The following CNTN4 variants were observed in gnomAD, a reference collection of about 807,000 sequenced individuals.
CNTN4 encodes contactin 4.
CNTN4 carries 77 observed loss-of-function variants against 122.5 expected under a neutral mutation model. The ratio of observed to expected loss-of-function variants is 0.63; its 90% CI spans 0.52 to 0.76. The LOEUF is 0.76. Ranked by LOEUF, CNTN4 falls within the 30% of genes least tolerant of loss-of-function variation. CNTN4 has a pLI of 0.00. For synonymous variants in CNTN4, 512 were observed against 447.0 expected (o/e 1.15, Z -1.83); for missense variants, 1,256 against 1,259.1 (o/e 1.00, Z 0.04).
At chr3:2,895,185 A>G (rs2094093840) in intron 10 of CNTN4, among the ~76,000 whole-genome samples, 1 of 152,156 alleles carries the variant, frequency 6.6e-6, no homozygotes, top group Non-Finnish European at 1.5e-5. Flanking sequence ...CATGTTGGCC[A>G]GGCTGGTTTC....
intron 2 of CNTN4, among the ~76,000 whole-genome samples, chr3:2,104,300 G>C (rs1033008869): frequency 3.3e-5 from 5 of 151,984 alleles, no homozygotes; most frequent in African/African-American, 4.8e-5. Context: ...TGGAGGGCTG[G>C]AGAGGTTTTC....
At chr3:2,909,447 C>G (rs1291140291) in intron 12 of CNTN4, among the ~76,000 whole-genome samples, 1 of 151,150 alleles carries the variant, frequency 6.6e-6, no homozygotes, top group African/African-American at 2.4e-5. Flanking sequence ...CTCTTAGTAT[C>G]CATACCAAAC....
intron 3 of CNTN4, among the ~76,000 whole-genome samples, chr3:2,340,019 A>G (rs973798481): frequency 6.6e-6 from 1 of 152,102 alleles, no homozygotes; most frequent in African/African-American, 2.4e-5. Flanking sequence ...TGTCTCCCCT[A>G]TGTGTGTCCA....
chr3:2,310,986 C>T (rs2042894591), intron 2 of CNTN4, among the ~76,000 whole-genome samples: 1 of 152,082 alleles, frequency 6.6e-6, no homozygotes, highest in African/African-American at 2.4e-5. Flanking sequence ...TGACTTTATC[C>T]TCCTGTTTTC....
chr3:2,254,365 C>T (rs547126735), intron 2 of CNTN4, among the ~76,000 whole-genome samples: 62 of 152,140 alleles, frequency 4.1e-4, no homozygotes, highest in Non-Finnish European at 7.2e-4. Flanking sequence ...GCGCATGTGT[C>T]ATTATAGTAG....
chr3:2,585,370 C>A (rs7649196), intron 4 of CNTN4, among the ~76,000 whole-genome samples: 1,777 of 151,490 alleles, frequency 0.012, 34 homozygotes, highest in African/African-American at 0.041. Flanking sequence ...AATCATGCTG[C>A]TATAAAGACA....
At chr3:2,835,010 T>A (rs763964688) in intron 7 of CNTN4, among the ~76,000 whole-genome samples, 1 of 143,724 alleles carries the variant, frequency 7.0e-6, no homozygotes, top group African/African-American at 2.5e-5. Context: ...GTTCACACCA[T>A]TCTCCTGCTT....
intron 4 of CNTN4, among the ~76,000 whole-genome samples, chr3:2,632,341 C>T (rs977502388): frequency 6.6e-6 from 1 of 152,112 alleles, no homozygotes; most frequent in Non-Finnish European, 1.5e-5. Flanking sequence ...TTTCGGTAAA[C>T]CCAACACTTC....
At chr3:2,183,545 A>G (rs1226251613) in intron 2 of CNTN4, among the ~76,000 whole-genome samples, 1 of 152,096 alleles carries the variant, frequency 6.6e-6, no homozygotes, top group African/African-American at 2.4e-5. Flanking sequence ...CCATTTGGTG[A>G]TATCTATAAG....
At chr3:2,380,809 G>A (rs1038313139) in intron 3 of CNTN4, among the ~76,000 whole-genome samples, 7 of 152,142 alleles carry the variant, frequency 4.6e-5, no homozygotes, top group African/African-American at 1.7e-4. Flanking sequence ...AGAGGAAAGA[G>A]CAAACTAGGT....
At chr3:2,551,713 T>G (rs1421909512) in intron 3 of CNTN4, among the ~76,000 whole-genome samples, 1 of 152,196 alleles carries the variant, frequency 6.6e-6, no homozygotes, top group African/African-American at 2.4e-5. Flanking sequence ...CTAATGGTGA[T>G]GTACAGAAAC....
At chr3:2,744,944 G>A (rs1173181394) in intron 5 of CNTN4, among the ~76,000 whole-genome samples, 2 of 152,132 alleles carry the variant, frequency 1.3e-5, no homozygotes, top group African/African-American at 2.4e-5. Flanking sequence ...TTTGTGTGCC[G>A]GTGGTGAAGG....
At chr3:2,129,106 T>C (rs1296644637) in intron 2 of CNTN4, among the ~76,000 whole-genome samples, 2 of 152,118 alleles carry the variant, frequency 1.3e-5, no homozygotes, top group Non-Finnish European at 2.9e-5. Flanking sequence ...ATCAACTATT[T>C]AGGAAAAGAA....
chr3:2,938,159 C>G (rs1263460674), intron 13 of CNTN4, among the ~76,000 whole-genome samples: 3 of 152,204 alleles, frequency 2.0e-5, no homozygotes, highest in Admixed American at 6.5e-5. Context: ...CGTTATATCA[C>G]TAATGTATTT....
intron 2 of CNTN4, among the ~76,000 whole-genome samples, chr3:2,255,358 C>T (rs926577829): frequency 6.6e-6 from 1 of 152,096 alleles, no homozygotes; most frequent in Non-Finnish European, 1.5e-5. Context: ...ACCCCACTGT[C>T]AATATTAGAC....
At position 2,477,439 on chromosome 3, in the gene CNTN4, C is replaced by A. The variant is rs141248410; in HGVS notation, c.-88-93977C>A. 7.4e-4 allele frequency among the ~76,000 whole-genome samples: 112 copies of A among 152,256 alleles called. No homozygotes were observed. In the East Asian group the frequency reaches 0.021, roughly 28 times the overall value. On this transcript the variant is annotated intron_variant, in intron 3 of 24. Transcript: ENST00000418658. ...GTGGTAAATGCTTTATATACATTAT[C>A]TCATTCAACAATTATAACAACCTTA...
chr3:2,423,055 A>T (rs2047672185), intron 3 of CNTN4, among the ~76,000 whole-genome samples: 1 of 152,210 alleles, frequency 6.6e-6, no homozygotes, highest in Admixed American at 6.5e-5. Flanking sequence ...GTTTTAGTGG[A>T]ATGAACTTAG....
intron 10 of CNTN4, 54 bp from the exon 11 acceptor site, chr3:2,900,631 T>C: frequency 1.9e-6 from 3 of 1,584,220 alleles, no homozygotes; most frequent in Non-Finnish European, 2.6e-6. Flanking sequence ...ATGATAAAAA[T>C]AGATTGAGTA....
In CNTN4 at chr3:2,590,163, G is replaced by A. The variant is rs79262682; in HGVS notation, c.55+18605G>A. Among the ~76,000 whole-genome samples, 532 of 152,254 alleles carry A rather than the reference G, an allele frequency of 3.5e-3. 1 individual carries two copies. The highest frequency in any genetic ancestry group is 0.012 in the African/African-American group (490 of 41,548). On this transcript the variant is annotated intron_variant, in intron 4 of 24. Coordinates refer to ENST00000418658, the MANE Select transcript of CNTN4 (RefSeq NM_175607.3). ...TGGTTGGTCTTCCCTCATCTTCACT[G>A]CTCTTCCACTCTTGTGCATTTCTAA...
Sources: gnomAD v4.1 joint callset for allele counts (sites outside exome capture counted in the v4.1 genomes callset) on GRCh38, gnomAD v4.1.1 for gene constraint, MANE v1.5 for transcripts, NCBI Gene and HGNC (gene_info 2026-07-23, HGNC 2026-07-21) for gene names.